Variants in TANC2 observed in about 807,000 individuals in gnomAD.
The protein encoded by TANC2 is protein TANC2.
In TANC2, 26 loss-of-function variants were observed where a neutral mutation model predicts 210.5. The observed-to-expected ratio is 0.12, with a 90% CI of 0.09 to 0.17. The LOEUF (loss-of-function observed/expected upper bound fraction) is 0.17, where lower values mean the gene tolerates loss of function less well. Ranked by LOEUF, TANC2 falls within the 10% of genes least tolerant of loss-of-function variation. The probability of loss-of-function intolerance (pLI) is 1.00; values close to 1 mark genes in which losing one functional copy is unlikely to be tolerated. For synonymous variants in TANC2, 931 were observed against 967.1 expected (o/e 0.96, Z 0.69); for missense variants, 2,129 against 2,608.9 (o/e 0.82, Z 4.01).
At chr17:62,994,525 CT>C (rs1009570014) in intron 1 of TANC2, among the ~76,000 whole-genome samples, 12 of 152,146 alleles carry the variant, frequency 7.9e-5, no homozygotes, top group African/African-American at 2.9e-4. Context: ...GAGGATGTTT[CT>C]TTCTATTTCT....
chr17:63,368,736 A>T (rs1205393561), intron 14 of TANC2, among the ~76,000 whole-genome samples: 1 of 152,232 alleles, frequency 6.6e-6, no homozygotes, highest in African/African-American at 2.4e-5. Flanking sequence ...AATTCCCATA[A>T]GTTAAAAACT....
intron 2 of TANC2, among the ~76,000 whole-genome samples, chr17:63,067,162 G>A (rs376096382): frequency 1.3e-5 from 2 of 152,046 alleles, no homozygotes; most frequent in African/African-American, 2.4e-5. Flanking sequence ...CATAATGTCC[G>A]GATGCAACCA....
chr17:63,238,089 T>G lies in TANC2; in HGVS notation c.1033+12T>G, dbSNP rs1342320613. ...AAATTCAGTAGCAGGTAAGTTTTTG[T>G]TGTTGTTGTTGTTGTTGCTGTTGTT... On this transcript the variant is annotated intron_variant, in intron 8 of 27. Transcript: ENST00000689528. 4 of 1,520,354 alleles carry G rather than the reference T, an allele frequency of 2.6e-6. No individual in the cohort carries two copies. In the South Asian group the frequency reaches 5.1e-5, roughly 19 times the overall value. The allele number at this position is 1,520,354 out of a possible 1,614,324, so 94.2% of individuals were successfully genotyped here.
intron 13 of TANC2, among the ~76,000 whole-genome samples, chr17:63,351,916 A>G (rs982401803): frequency 1.3e-5 from 2 of 152,086 alleles, no homozygotes; most frequent in African/African-American, 4.8e-5. Context: ...GCTTTAGATT[A>G]AATTTACTAC....
At chr17:63,235,188 A>C (rs1307036198) in intron 7 of TANC2, among the ~76,000 whole-genome samples, 1 of 152,030 alleles carries the variant, frequency 6.6e-6, no homozygotes, top group Non-Finnish European at 1.5e-5. Context: ...GAGTTTCAGA[A>C]ACTGTTTTCC....
chr17:63,404,208 A>C (rs1724421572), intron 19 of TANC2, among the ~76,000 whole-genome samples: 1 of 152,178 alleles, frequency 6.6e-6, no homozygotes, highest in Non-Finnish European at 1.5e-5. Context: ...TCATTTTTTA[A>C]AACAATAGAC....
At chr17:63,163,411 G>C (rs1598502366) in intron 5 of TANC2, among the ~76,000 whole-genome samples, 1 of 152,142 alleles carries the variant, frequency 6.6e-6, no homozygotes, top group African/African-American at 2.4e-5. Context: ...CTGTTGGAGA[G>C]TATGAGAGTA....
chr17:63,235,543 A>G (rs916167053), intron 7 of TANC2, among the ~76,000 whole-genome samples: 2 of 151,914 alleles, frequency 1.3e-5, no homozygotes, highest in Non-Finnish European at 2.9e-5. Context: ...GTTTACTTAG[A>G]TTTCTTCTTC....
At chr17:62,967,448 A>C (rs1286826625) in intron 1 of TANC2, 4 of 152,224 alleles carry the variant, frequency 2.6e-5, no homozygotes, top group African/African-American at 9.6e-5. Context: ...CTTCATTTCC[A>C]GGTGTGGAAT....
chr17:63,425,390 TGTATA>T lies in TANC2; in HGVS notation c.*3439_*3443del, dbSNP rs912348739. ...GAAAGGTATTCTCAGTCCTTAATATTGTATAGTAGTTTATGAGCCCCTCTCTAAAT... is the reference window on the plus strand; with the variant it reads ...GAAAGGTATTCTCAGTCCTTAATATTGTAGTTTATGAGCCCCTCTCTAAAT... On this transcript the variant is annotated 3_prime_UTR_variant, in exon 28 of 28. Coordinates refer to ENST00000689528, the Ensembl canonical transcript of TANC2. The T allele has an allele frequency of 1.2e-4, 18 of 152,344 alleles. 1 individual carries two copies. The highest frequency in any genetic ancestry group is 7.7e-4 in the East Asian group (4 of 5,196). 9.4% of individuals were successfully genotyped at this position (152,344 alleles called of 1,614,324 possible).
At chr17:63,417,310 G>A (rs1430940820) in intron 26 of TANC2, among the ~76,000 whole-genome samples, 1 of 152,130 alleles carries the variant, frequency 6.6e-6, no homozygotes, top group African/African-American at 2.4e-5. Flanking sequence ...ATAACCAGAG[G>A]CTACCATGCT....
intron 8 of TANC2, among the ~76,000 whole-genome samples, chr17:63,247,157 G>C: frequency 6.6e-6 from 1 of 151,998 alleles, no homozygotes; most frequent in Non-Finnish European, 1.5e-5. Context: ...GTACGAACTT[G>C]TTGTATATTC....
At chr17:63,047,077 A>T (rs2035412495) in intron 2 of TANC2, among the ~76,000 whole-genome samples, 1 of 152,134 alleles carries the variant, frequency 6.6e-6, no homozygotes. Context: ...TATCTTTTGA[A>T]ATTTTTATAT....
intron 7 of TANC2, among the ~76,000 whole-genome samples, chr17:63,233,410 G>A (rs1357170173): frequency 2.0e-5 from 3 of 152,278 alleles, no homozygotes; most frequent in Admixed American, 6.5e-5. Context: ...ACCGTGGATC[G>A]TGGATTCTTG....
At chr17:63,151,471 TA>T (rs2039651682) in intron 5 of TANC2, 91 bp downstream of exon 5, 1 of 508,840 alleles carries the variant, frequency 2.0e-6, no homozygotes, top group Non-Finnish European at 2.5e-6. Context: ...ATACTACTCA[TA>T]AAAACATGTT....
At chr17:62,990,840 G>C (rs1259177871) in intron 1 of TANC2, among the ~76,000 whole-genome samples, 2 of 152,048 alleles carry the variant, frequency 1.3e-5, no homozygotes, top group Non-Finnish European at 2.9e-5. Context: ...AGTTCTTTCT[G>C]ATAATTTTTA....
chr17:63,066,134 C>T (rs1225846155), intron 2 of TANC2, among the ~76,000 whole-genome samples: 2 of 152,112 alleles, frequency 1.3e-5, no homozygotes, highest in African/African-American at 2.4e-5. Flanking sequence ...GGAGCCTTGG[C>T]CCTCAGGGTC....
chr17:63,040,455 G>A (rs188818360), intron 2 of TANC2, among the ~76,000 whole-genome samples: 52 of 152,064 alleles, frequency 3.4e-4, no homozygotes, highest in Admixed American at 2.8e-3. Context: ...ACATATTTTC[G>A]GTTTCTGTGG....
intron 9 of TANC2, among the ~76,000 whole-genome samples, chr17:63,309,575 ATC>A (rs1300005283): frequency 8.5e-5 from 13 of 152,220 alleles, no homozygotes; most frequent in African/African-American, 3.1e-4. Context: ...TGAAATAATT[ATC>A]TGTCTTTGGT....
Sources: allele counts gnomAD v4.1 joint callset (sites outside exome capture counted in the v4.1 genomes callset), GRCh38; gene constraint gnomAD v4.1.1; transcripts MANE v1.5; gene names NCBI Gene and HGNC (gene_info 2026-07-23, HGNC 2026-07-21).